Variants in ZNF484 observed in about 807,000 individuals in gnomAD.
ZNF484 encodes the protein KRAB box containing C2H2 type zinc finger bA526D8.4.
ZNF484 carries 11 observed loss-of-function variants against 12.9 expected under a neutral mutation model. The ratio of observed to expected loss-of-function variants is 0.85; its 90% CI spans 0.54 to 1.41. ZNF484 has a LOEUF of 1.41. ZNF484 is among the 40% of genes most tolerant of loss of function. The pLI is 0.00. For synonymous variants in ZNF484, 289 were observed against 334.1 expected, an observed-to-expected ratio of 0.86 and a Z score of 1.47; for missense variants, 807 against 1,007.7, an observed-to-expected ratio of 0.80 and a Z score of 2.70.
chr9:92,864,399 C>T lies in ZNF484; in HGVS notation c.16-8081G>A, dbSNP rs565963708. Among the ~76,000 whole-genome samples, 20 of 151,860 alleles carry T rather than the reference C, an allele frequency of 1.3e-4. No individual in the cohort carries two copies. In the East Asian group the frequency reaches 1.7e-3, roughly 13 times the overall value. On this transcript the variant is annotated intron_variant, in intron 2 of 4. Transcript: ENST00000375495. The stretch of plus-strand genomic sequence containing the variant: ...GCAAATCTCGGGAACTATCAAGTGA[C>T]GTGAGGTTGAAAATCACAAAATGAG...
Position 92,846,865 on chromosome 9 carries a change from C to T in ZNF484, c.1922G>A (p.Cys641Tyr), listed in dbSNP as rs759465195. The T allele has an allele frequency of 4.3e-6, 7 of 1,614,094 alleles. No homozygotes were observed. Among genetic ancestry groups the T allele is most frequent in the Non-Finnish European group, 5.9e-6 (7 of 1,180,000 alleles). ...TGATCTGTCAGTAAAAGCCTTTCCA[C>T]ATTCAGCACACCTATAGGGTTTCTC... Reference protein sequence around the residue: ...TGEKPYRCAECGKAFTDRSNL... With the variant: ...TGEKPYRCAEYGKAFTDRSNL... Residue 641 changes from cysteine to tyrosine, a missense_variant, in exon 5 of 5, where the codon TGT becomes TAT. Coordinates refer to ENST00000375495, the MANE Select transcript of ZNF484 (RefSeq NM_031486.4).
At chr9:92,860,393 G>C (rs1856708824) in intron 2 of ZNF484, among the ~76,000 whole-genome samples, 1 of 151,984 alleles carries the variant, frequency 6.6e-6, no homozygotes, top group Non-Finnish European at 1.5e-5. Context: ...ACGAGGTCAG[G>C]AGATCGAGAC....
intron 2 of ZNF484, among the ~76,000 whole-genome samples, chr9:92,865,030 G>C (rs186291065): frequency 0.066 from 10,034 of 151,592 alleles, 433 homozygotes; most frequent in Non-Finnish European, 0.097. Context: ...CACACACACA[G>C]AGAGAGAGAG....
At chr9:92,865,696 C>T (rs1296884838) in intron 2 of ZNF484, among the ~76,000 whole-genome samples, 1 of 152,040 alleles carries the variant, frequency 6.6e-6, no homozygotes, top group Non-Finnish European at 1.5e-5. Context: ...TGCTTGAGAG[C>T]AGGAGTTCAA....
intron 4 of ZNF484, among the ~76,000 whole-genome samples, chr9:92,855,273 A>G (rs1856367616): frequency 6.6e-6 from 1 of 152,158 alleles, no homozygotes; most frequent in African/African-American, 2.4e-5. Flanking sequence ...TGTCAATGGT[A>G]CTCTCAAAGT....
intron 4 of ZNF484, among the ~76,000 whole-genome samples, chr9:92,849,262 CA>C (rs35767387): frequency 1.1e-4 from 15 of 136,664 alleles, no homozygotes; most frequent in Non-Finnish European, 8.0e-5. Context: ...ACTCTATCTC[CA>C]AAAAAAAAAG....
chr9:92,852,600 G>A (rs1283603992), intron 4 of ZNF484, among the ~76,000 whole-genome samples: 6 of 142,698 alleles, frequency 4.2e-5, no homozygotes, highest in Admixed American at 7.4e-5. Flanking sequence ...ACAGTGGCGC[G>A]GTCTCAGCTC....
At chr9:92,852,529 C>T (rs907491931) in intron 4 of ZNF484, among the ~76,000 whole-genome samples, 80 of 63,496 alleles carry the variant, frequency 1.3e-3, no homozygotes, top group African/African-American at 5.7e-3. Flanking sequence ...CACGCCCAGC[C>T]TTTTTTTTTT....
chr9:92,863,801 C>T (rs537179461), intron 2 of ZNF484, among the ~76,000 whole-genome samples: 3 of 152,200 alleles, frequency 2.0e-5, no homozygotes, highest in East Asian at 1.9e-4. Flanking sequence ...TATTATAGGA[C>T]GTTAGGCAGA....
Position 92,847,492 on chromosome 9 carries a change from C to A in ZNF484, c.1295G>T (p.Arg432Ile). Residue 432 changes from arginine to isoleucine, a missense_variant, in exon 5 of 5, where the codon AGA becomes ATA. Physicochemically the swap from Arg to Ile is moderately conservative, Grantham distance 97 (BLOSUM62 -3). Coordinates refer to ENST00000375495, the MANE Select transcript of ZNF484 (RefSeq NM_031486.4). The part of the protein sequence containing the change: ...IRKSHFITHE[R>I]IHTGEKPYEC... Reference sequence around the variant, plus strand: ...ATAGGGTTTTTCTCCAGTATGAATTCTTTCATGTGTGATAAAATGTGACTT... The same window carrying A: ...ATAGGGTTTTTCTCCAGTATGAATTATTTCATGTGTGATAAAATGTGACTT... 1.9e-6 allele frequency: 3 copies of A among 1,612,634 alleles called. No homozygotes were observed. Among genetic ancestry groups the A allele is most frequent in the African/African-American group, 1.3e-5 (1 of 74,906 alleles).
At position 92,869,807 on chromosome 9, in the gene ZNF484, A is replaced by C. The variant is rs1857324630; in HGVS notation, c.15+5208T>G. On this transcript the variant is annotated intron_variant, in intron 2 of 4. Transcript: ENST00000375495. ...CAAAGTGATTACCTTTGAGAAGCTG[A>C]AATTTGAAGAGGAATAGAGCAGATG... 2.6e-5 allele frequency among the ~76,000 whole-genome samples: 4 copies of C among 152,262 alleles called. No homozygotes were observed. In the South Asian group the frequency reaches 8.3e-4, roughly 31 times the overall value.
rs1249555244 is a variant in ZNF484, at chr9:92,845,335, T to C, written c.*893A>G. 2.0e-5 allele frequency: 3 copies of C among 152,110 alleles called. No individual in the cohort carries two copies. Among genetic ancestry groups the C allele is most frequent in the African/African-American group, 4.8e-5 (2 of 41,424 alleles). The allele number at this position is 152,110 out of a possible 1,614,324, so 9.4% of individuals were successfully genotyped here. Reference sequence around the variant, plus strand: ...CAGAGAATTTGAAAAACAAAATTAATTAAGATTAGTTTGTAGAGATTGTGA... The same window carrying C: ...CAGAGAATTTGAAAAACAAAATTAACTAAGATTAGTTTGTAGAGATTGTGA... On this transcript the variant is annotated 3_prime_UTR_variant, in exon 5 of 5. Coordinates refer to ENST00000375495, the MANE Select transcript of ZNF484 (RefSeq NM_031486.4). This position sits in a 1 kb window ranked among gnomAD's most constrained non-coding sequence, Gnocchi z 4.0.
Position 92,877,885 on chromosome 9 carries a change from C to T in ZNF484, c.-31+5G>A, listed in dbSNP as rs771243894. The T allele has an allele frequency of 1.4e-5, 21 of 1,535,488 alleles. No homozygotes were observed. Among genetic ancestry groups the T allele is most frequent in the Non-Finnish European group, 1.7e-5 (19 of 1,146,746 alleles). On this transcript the variant is annotated splice_donor_5th_base_variant and intron_variant, in intron 1 of 4. Transcript: ENST00000375495. The stretch of plus-strand genomic sequence containing the variant: ...GTCCACAGATGCTGCCATCCCTCTA[C>T]TCACCTGCCCCTCACCCACGTCCTC...
chr9:92,850,105 C>A (rs528382596), intron 4 of ZNF484, among the ~76,000 whole-genome samples: 1 of 152,240 alleles, frequency 6.6e-6, no homozygotes, highest in East Asian at 1.9e-4. Context: ...CCAGCCAAGA[C>A]CCTGTCTCTT....
At chr9:92,850,646 C>T (rs549052103) in intron 4 of ZNF484, among the ~76,000 whole-genome samples, 11 of 152,092 alleles carry the variant, frequency 7.2e-5, no homozygotes, top group Non-Finnish European at 1.2e-4. Context: ...TGCAATGGCG[C>T]GATCTCGGCT....
intron 2 of ZNF484, among the ~76,000 whole-genome samples, chr9:92,860,565 G>A (rs1355031958): frequency 6.9e-6 from 1 of 144,166 alleles, no homozygotes; most frequent in Non-Finnish European, 1.5e-5. Flanking sequence ...GATCACACCA[G>A]TGCACTCCAG....
intron 2 of ZNF484, among the ~76,000 whole-genome samples, chr9:92,871,525 T>C (rs1032295537): frequency 6.6e-6 from 1 of 152,028 alleles, no homozygotes; most frequent in Non-Finnish European, 1.5e-5. Flanking sequence ...TTTGAAGAAA[T>C]AATGAATGAA....
intron 4 of ZNF484, among the ~76,000 whole-genome samples, chr9:92,850,116 A>G (rs2131597987): frequency 6.6e-6 from 1 of 152,318 alleles, no homozygotes; most frequent in East Asian, 1.9e-4. Context: ...CCTGTCTCTT[A>G]AAAACAAAAA....
intron 4 of ZNF484, among the ~76,000 whole-genome samples, chr9:92,852,892 G>A (rs1217330112): frequency 1.3e-5 from 2 of 152,124 alleles, no homozygotes; most frequent in Non-Finnish European, 2.9e-5. Flanking sequence ...CAAAGGGCTC[G>A]ATGAAAAGGG....
Sources: allele counts gnomAD v4.1 joint callset (sites outside exome capture counted in the v4.1 genomes callset), GRCh38; gene constraint gnomAD v4.1.1; non-coding constraint Gnocchi (gnomAD v3.1); transcripts MANE v1.5; gene names NCBI Gene and HGNC (gene_info 2026-07-23, HGNC 2026-07-21).